Variants in ARPP21 observed in about 807,000 individuals in gnomAD.
ARPP21 encodes the protein cAMP regulated phosphoprotein 21.
ARPP21 carries 69 observed loss-of-function variants against 113.2 expected under a neutral mutation model. That is an observed-to-expected ratio of 0.61 (90% confidence interval 0.50 to 0.74). The LOEUF is 0.74. Ranked by LOEUF, ARPP21 falls within the 30% of genes least tolerant of loss-of-function variation. The probability of loss-of-function intolerance (pLI) is 0.00; values close to 1 mark genes in which losing one functional copy is unlikely to be tolerated. For synonymous variants in ARPP21, 368 were observed against 375.5 expected, an observed-to-expected ratio of 0.98 and a Z score of 0.23; for missense variants, 1,070 against 1,037.4, an observed-to-expected ratio of 1.03 and a Z score of -0.43.
Position 35,744,902 on chromosome 3 carries a change from G to C in ARPP21, c.2137+937G>C, listed in dbSNP as rs77300006. Among the ~76,000 whole-genome samples the C allele has an allele frequency of 1.6e-4, 24 of 152,290 alleles. No individual in the cohort carries two copies. The East Asian group carries it at 4.4e-3, about 28-fold the overall frequency. ...TGAGAAAAGTGCAGTTCTTGCCAAG[G>C]ATTAGCACCAATCACAGACATCCTA... On this transcript the variant is annotated intron_variant, in intron 19 of 20. Transcript: ENST00000684406.
At chr3:35,666,805 T>C (rs2074477447) in intron 1 of ARPP21, among the ~76,000 whole-genome samples, 1 of 152,196 alleles carries the variant, frequency 6.6e-6, no homozygotes, top group South Asian at 2.1e-4. Context: ...CTATCTCTTC[T>C]CAGTCTTTAT....
chr3:35,691,114 TA>T, intron 9 of ARPP21, 109 bp downstream of exon 9: 1 of 1,160,422 alleles, frequency 8.6e-7, no homozygotes, highest in Non-Finnish European at 1.2e-6. Flanking sequence ...TGTGCAGTGT[TA>T]TTTATCTCTT....
intron 19 of ARPP21, among the ~76,000 whole-genome samples, chr3:35,776,855 G>A (rs1427444295): frequency 1.3e-5 from 2 of 152,120 alleles, no homozygotes; most frequent in Non-Finnish European, 2.9e-5. Context: ...GGTGGTTCCT[G>A]CCTGGATATC....
intron 6 of ARPP21, among the ~76,000 whole-genome samples, chr3:35,688,328 A>T (rs376630037): frequency 1.1e-3 from 174 of 151,718 alleles, no homozygotes; most frequent in Middle Eastern, 3.4e-3. Context: ...GTACAGATGT[A>T]TATGTCAACG....
At chr3:35,730,727 T>C (rs1031726949) in intron 15 of ARPP21, among the ~76,000 whole-genome samples, 3 of 152,248 alleles carry the variant, frequency 2.0e-5, no homozygotes, top group African/African-American at 7.2e-5. Flanking sequence ...TTCTCACAAA[T>C]GTAATGCTAC....
At chr3:35,715,341 C>G (rs963616105) in intron 11 of ARPP21, 98 bp from the exon 12 acceptor site, 22 of 918,042 alleles carry the variant, frequency 2.4e-5, no homozygotes, top group Non-Finnish European at 3.7e-5. Context: ...AATTCTTTTC[C>G]CCTATGAGGG....
chr3:35,703,524 T>C (rs1168785057), intron 9 of ARPP21, among the ~76,000 whole-genome samples: 1 of 151,984 alleles, frequency 6.6e-6, no homozygotes. Flanking sequence ...AACATATTTT[T>C]ACCTTCAGAA....
intron 1 of ARPP21, among the ~76,000 whole-genome samples, chr3:35,654,388 G>T (rs1395698828): frequency 6.6e-6 from 1 of 152,016 alleles, no homozygotes; most frequent in Non-Finnish European, 1.5e-5. Flanking sequence ...TCAGGGAAAG[G>T]CACTACATTA....
At chr3:35,683,677 T>C (rs2079646674) in intron 4 of ARPP21, 49 bp from the exon 5 acceptor site, 1 of 791,542 alleles carries the variant, frequency 1.3e-6, no homozygotes, top group Non-Finnish European at 2.2e-6. Context: ...ATGCTTCCTG[T>C]TTGTTTTCTT....
intron 12 of ARPP21, 82 bp downstream of exon 12, chr3:35,715,558 C>T (rs2150171258): frequency 9.0e-7 from 1 of 1,113,970 alleles, no homozygotes; most frequent in South Asian, 1.3e-5. Context: ...ATATATATCC[C>T]ATATATGTGT....
intron 15 of ARPP21, among the ~76,000 whole-genome samples, chr3:35,735,924 G>A (rs910897576): frequency 1.3e-5 from 2 of 152,138 alleles, no homozygotes; most frequent in Non-Finnish European, 2.9e-5. Flanking sequence ...CTTGAAACAT[G>A]TCCTTCACCT....
At chr3:35,661,953 T>C (rs1708040348) in intron 1 of ARPP21, among the ~76,000 whole-genome samples, 3 of 152,168 alleles carry the variant, frequency 2.0e-5, no homozygotes, top group Admixed American at 2.0e-4. Flanking sequence ...GTGTCAGGCC[T>C]GGTGTTAGCT....
chr3:35,713,328 G>A (rs2091729553), intron 11 of ARPP21, among the ~76,000 whole-genome samples: 1 of 151,978 alleles, frequency 6.6e-6, no homozygotes, highest in Non-Finnish European at 1.5e-5. Flanking sequence ...TAGTTGAGGG[G>A]ATAATGAGAT....
chr3:35,776,508 A>T (rs76623457), intron 19 of ARPP21, among the ~76,000 whole-genome samples: 4,026 of 152,210 alleles, frequency 0.026, 183 homozygotes, highest in African/African-American at 0.088. Context: ...CACCAGAAAA[A>T]GTTGGAAAGG....
chr3:35,784,665 C>G (rs931766329), intron 19 of ARPP21, among the ~76,000 whole-genome samples: 6 of 152,060 alleles, frequency 3.9e-5, no homozygotes, highest in African/African-American at 1.4e-4. Context: ...GTAGATGGTA[C>G]CACCAGAACA....
intron 5 of ARPP21, chr3:35,685,294 C>T: frequency 1.0e-6 from 1 of 985,200 alleles, no homozygotes; most frequent in South Asian, 4.7e-5. Flanking sequence ...GTGCTTTGTT[C>T]CTGCTGGTTC....
intron 1 of ARPP21, among the ~76,000 whole-genome samples, chr3:35,655,107 C>T (rs1370383754): frequency 1.3e-5 from 2 of 151,808 alleles, no homozygotes; most frequent in Non-Finnish European, 2.9e-5. Flanking sequence ...CCTAATTCAT[C>T]ATATGCATTA....
chr3:35,768,079 C>CGTGTGTGTGTGTGTGT (rs5847897), intron 19 of ARPP21, among the ~76,000 whole-genome samples: 2 of 111,730 alleles, frequency 1.8e-5, no homozygotes, highest in Non-Finnish European at 1.9e-5. Flanking sequence ...CATGCTTTTC[C>CGTGTGTGTGTGTGTGT]GTGTGTGTGT....
intron 18 of ARPP21, among the ~76,000 whole-genome samples, chr3:35,742,031 A>G (rs755197263): frequency 6.6e-6 from 1 of 152,214 alleles, no homozygotes; most frequent in African/African-American, 2.4e-5. Context: ...AAACAACAAC[A>G]AAAATTGAGT....
Sources: allele counts gnomAD v4.1 joint callset (sites outside exome capture counted in the v4.1 genomes callset), GRCh38; gene constraint gnomAD v4.1.1; transcripts MANE v1.5; gene names NCBI Gene and HGNC (gene_info 2026-07-23, HGNC 2026-07-21).